The following MAD1L1 variants were observed in gnomAD, a reference collection of about 807,000 sequenced individuals.
MAD1L1 encodes the protein mitotic spindle assembly checkpoint protein MAD1.
Under a neutral mutation model 96.9 loss-of-function variants are expected in MAD1L1, and 95 were observed. The ratio of observed to expected loss-of-function variants is 0.98; its 90% CI spans 0.83 to 1.16. The LOEUF (loss-of-function observed/expected upper bound fraction) is 1.16. Ranked by LOEUF, MAD1L1 falls within the 50% of genes most tolerant of loss-of-function variation. The pLI is 0.00. For synonymous variants in MAD1L1, 473 were observed against 396.6 expected (o/e 1.19, Z -2.29); for missense variants, 1,007 against 954.4 (o/e 1.06, Z -0.73).
In MAD1L1 at chr7:2,230,156, G is replaced by A. The variant is rs1280520653; in HGVS notation, c.-10-13C>T. On this transcript the variant is annotated splice_polypyrimidine_tract_variant and intron_variant, in intron 2 of 18. Coordinates refer to ENST00000265854, the MANE Select transcript of MAD1L1 (RefSeq NM_001013836.2). ...CATGGTTGCTTTCCTTCCGGGGACA[G>A]ACAAAGGACTGGTCAGGGGCAGCCT... 1 of 1,572,538 alleles carries A rather than the reference G, an allele frequency of 6.4e-7. No homozygotes were observed. The highest frequency in any genetic ancestry group is 1.4e-5 in the African/African-American group (1 of 74,010).
intron 18 of MAD1L1, among the ~76,000 whole-genome samples, chr7:1,839,225 G>A (rs552418709): frequency 2.5e-3 from 387 of 152,218 alleles, no homozygotes; most frequent in African/African-American, 9.0e-3. Context: ...GTGGGAGGGC[G>A]GGGCTAGGTG....
At chr7:1,969,534 A>T (rs1780315885) in intron 15 of MAD1L1, among the ~76,000 whole-genome samples, 1 of 152,238 alleles carries the variant, frequency 6.6e-6, no homozygotes, top group Non-Finnish European at 1.5e-5. Flanking sequence ...ATTAGTCAAG[A>T]AAAAGAAATA....
intron 18 of MAD1L1, among the ~76,000 whole-genome samples, chr7:1,895,893 G>A (rs1482894030): frequency 6.6e-6 from 1 of 152,276 alleles, no homozygotes; most frequent in Non-Finnish European, 1.5e-5. Context: ...AGAAGGGACA[G>A]CAAGGGCTGG....
At chr7:1,861,935 C>T (rs1254428517) in intron 18 of MAD1L1, among the ~76,000 whole-genome samples, 2 of 152,076 alleles carry the variant, frequency 1.3e-5, no homozygotes, top group Non-Finnish European at 2.9e-5. Flanking sequence ...CCTGGCCCCC[C>T]AGCCCAGGAG....
At chr7:1,893,790 G>C (rs1039632553) in intron 18 of MAD1L1, among the ~76,000 whole-genome samples, 1 of 152,210 alleles carries the variant, frequency 6.6e-6, no homozygotes, top group African/African-American at 2.4e-5. Flanking sequence ...GGCCAAGGCT[G>C]CACACCAGGG....
At chr7:1,992,184 G>C in intron 14 of MAD1L1, among the ~76,000 whole-genome samples, 1 of 152,002 alleles carries the variant, frequency 6.6e-6, no homozygotes, top group Non-Finnish European at 1.5e-5. Context: ...CATGAGCACC[G>C]CTGGGTGCCT....
At chr7:2,060,211 C>G (rs73047097) in intron 12 of MAD1L1, among the ~76,000 whole-genome samples, 8,144 of 148,078 alleles carry the variant, frequency 0.055, 366 homozygotes, top group Admixed American at 0.1. Flanking sequence ...ACGCAGATGC[C>G]AAGTTACGCC....
At chr7:2,220,439 C>T (rs1020416338) in intron 5 of MAD1L1, among the ~76,000 whole-genome samples, 1 of 152,232 alleles carries the variant, frequency 6.6e-6, no homozygotes, top group Non-Finnish European at 1.5e-5. Context: ...AGAAAGAGCA[C>T]GTGGGTCGAG....
At chr7:1,882,952 G>A (rs542644826) in intron 18 of MAD1L1, among the ~76,000 whole-genome samples, 2 of 130,602 alleles carry the variant, frequency 1.5e-5, no homozygotes, top group African/African-American at 6.2e-5. Flanking sequence ...CAAACCTGGT[G>A]TCACAAACGA....
chr7:2,052,030 G>C (rs952663976), intron 12 of MAD1L1, among the ~76,000 whole-genome samples: 3 of 152,148 alleles, frequency 2.0e-5, no homozygotes, highest in Non-Finnish European at 4.4e-5. Flanking sequence ...CAGGCGGAAA[G>C]ACAACCATTC....
At chr7:1,915,944 A>C (rs537708776) in intron 17 of MAD1L1, among the ~76,000 whole-genome samples, 1 of 152,378 alleles carries the variant, frequency 6.6e-6, no homozygotes, top group East Asian at 1.9e-4. Context: ...ACTGCTTATC[A>C]AAAGAAAGCA....
intron 17 of MAD1L1, among the ~76,000 whole-genome samples, chr7:1,911,477 C>T (rs945617927): frequency 6.6e-6 from 1 of 152,234 alleles, no homozygotes; most frequent in Non-Finnish European, 1.5e-5. Flanking sequence ...GTTCTGTCCT[C>T]TGCCGCTACA....
chr7:2,098,252 C>T lies in MAD1L1; in HGVS notation c.1074-28914G>A, dbSNP rs559817732. On this transcript the variant is annotated intron_variant, in intron 11 of 18. Transcript: ENST00000265854. ...CGTCCTCTGCCAAAGCCCCGTAGCA[C>T]CAGAGCGCCAGTCACACACCAGGCC... is the stretch of plus-strand genomic sequence containing the variant. Among the ~76,000 whole-genome samples, 10 of 152,320 alleles carry T rather than the reference C, an allele frequency of 6.6e-5. No individual in the cohort carries two copies. The South Asian group carries it at 8.3e-4, about 13-fold the overall frequency.
chr7:1,901,093 G>A (rs549225627), intron 17 of MAD1L1, among the ~76,000 whole-genome samples: 19 of 152,292 alleles, frequency 1.2e-4, no homozygotes, highest in African/African-American at 4.6e-4. Flanking sequence ...AGGGGGCCCT[G>A]ATCCTGGTCT....
chr7:1,854,678 C>G (rs932277905), intron 18 of MAD1L1, among the ~76,000 whole-genome samples: 1 of 152,148 alleles, frequency 6.6e-6, no homozygotes, highest in East Asian at 1.9e-4. Flanking sequence ...ACACAAACCT[C>G]GGTCCCCAGC....
chr7:2,091,840 G>A (rs933693862), intron 11 of MAD1L1, among the ~76,000 whole-genome samples: 1 of 151,844 alleles, frequency 6.6e-6, no homozygotes, highest in Non-Finnish European at 1.5e-5. Context: ...TTCTCTCACT[G>A]AACAGGATTC....
chr7:1,876,811 G>A (rs1785409583), intron 18 of MAD1L1, among the ~76,000 whole-genome samples: 1 of 149,592 alleles, frequency 6.7e-6, no homozygotes, highest in African/African-American at 2.5e-5. Context: ...CCCTGCCAGG[G>A]CTGCCCGGTC....
intron 11 of MAD1L1, among the ~76,000 whole-genome samples, chr7:2,121,394 C>G (rs1273953986): frequency 6.6e-6 from 1 of 152,250 alleles, no homozygotes; most frequent in Non-Finnish European, 1.5e-5. Flanking sequence ...GCCACACACA[C>G]TCGGTCCAGC....
rs114319866 is a variant in MAD1L1 at position 1,896,316 on chromosome 7, T to C, written c.1998+1884A>G. Among the ~76,000 whole-genome samples the C allele has an allele frequency of 2.7e-3, 410 of 152,254 alleles. 1 individual carries two copies. The highest frequency in any genetic ancestry group is 9.5e-3 in the African/African-American group (393 of 41,552). ...CAACATCCTGCCATGGCTGGGATCC[T>C]GGGCGGGCGGATGAGGGCCGGGGGA... On this transcript the variant is annotated intron_variant, in intron 18 of 18. Coordinates refer to ENST00000265854, the MANE Select transcript of MAD1L1 (RefSeq NM_001013836.2).
Sources: gnomAD v4.1 joint callset for allele counts (sites outside exome capture counted in the v4.1 genomes callset) on GRCh38, gnomAD v4.1.1 for gene constraint, MANE v1.5 for transcripts, NCBI Gene and HGNC (gene_info 2026-07-23, HGNC 2026-07-21) for gene names.